The following TEC variants were observed in gnomAD, a reference collection of about 807,000 sequenced individuals.
TEC encodes tyrosine-protein kinase Tec.
TEC carries 72 observed loss-of-function variants against 93.0 expected under a neutral mutation model. That is an observed-to-expected ratio of 0.77 (90% CI 0.64 to 0.94). The LOEUF (loss-of-function observed/expected upper bound fraction) is 0.94, where lower values mean the gene tolerates loss of function less well. TEC is among the 40% of genes least tolerant of loss of function. The pLI is 0.00. For synonymous variants in TEC, 249 were observed against 247.7 expected, an observed-to-expected ratio of 1.01 and a Z score of -0.05; for missense variants, 630 against 757.9, an observed-to-expected ratio of 0.83 and a Z score of 1.98.
At chr4:48,196,766 G>A (rs1194134133) in intron 2 of TEC, among the ~76,000 whole-genome samples, 2 of 152,194 alleles carry the variant, frequency 1.3e-5, no homozygotes, top group African/African-American at 2.4e-5. Context: ...GAAACGACCA[G>A]TGTCTACCAA....
At chr4:48,178,827 TCTC>T (rs996770214) in intron 2 of TEC, among the ~76,000 whole-genome samples, 9 of 152,216 alleles carry the variant, frequency 5.9e-5, no homozygotes, top group African/African-American at 2.2e-4. Flanking sequence ...CTCTAACCCT[TCTC>T]CTCTGTTCCT....
intron 1 of TEC, among the ~76,000 whole-genome samples, chr4:48,243,827 A>T (rs1723982324): frequency 6.6e-6 from 1 of 152,046 alleles, no homozygotes; most frequent in Non-Finnish European, 1.5e-5. Flanking sequence ...GGGGTTGGGG[A>T]TCTGGTGGGG....
intron 2 of TEC, among the ~76,000 whole-genome samples, chr4:48,199,164 C>T (rs906797642): frequency 1.3e-5 from 2 of 152,170 alleles, no homozygotes; most frequent in African/African-American, 4.8e-5. Flanking sequence ...ATCTGCCTGG[C>T]TTCAAAGCCC....
chr4:48,142,872 C>T (rs1349418633), intron 14 of TEC, among the ~76,000 whole-genome samples: 1 of 151,594 alleles, frequency 6.6e-6, no homozygotes, highest in African/African-American at 2.4e-5. Context: ...TTAGTAGAGA[C>T]AGGGTTTCAC....
At chr4:48,163,477 T>C (rs945542920) in intron 8 of TEC, among the ~76,000 whole-genome samples, 4 of 152,214 alleles carry the variant, frequency 2.6e-5, no homozygotes, top group Non-Finnish European at 5.9e-5. Context: ...ATGTAATTTA[T>C]GTACATAAGC....
At chr4:48,185,919 A>G (rs1045096342) in intron 2 of TEC, among the ~76,000 whole-genome samples, 37 of 151,300 alleles carry the variant, frequency 2.4e-4, no homozygotes, top group African/African-American at 8.5e-4. Context: ...CCGAGGCTGG[A>G]CTGTACTGCC....
intron 2 of TEC, among the ~76,000 whole-genome samples, chr4:48,204,821 T>C (rs1301988380): frequency 3.3e-5 from 5 of 152,164 alleles, no homozygotes; most frequent in Non-Finnish European, 5.9e-5. Context: ...GCTTGCTTGC[T>C]CACTGGCTGC....
intron 2 of TEC, among the ~76,000 whole-genome samples, chr4:48,193,816 G>A (rs1240097386): frequency 2.6e-5 from 4 of 151,558 alleles, no homozygotes. Context: ...TATGAAAGTG[G>A]AAATAACTAG....
chr4:48,213,753 T>A (rs1444639539), intron 2 of TEC, among the ~76,000 whole-genome samples: 1 of 152,190 alleles, frequency 6.6e-6, no homozygotes, highest in Non-Finnish European at 1.5e-5. Context: ...GGGGAGAGAT[T>A]AATACTAATA....
chr4:48,172,457 T>C (rs62309327), intron 3 of TEC, among the ~76,000 whole-genome samples: 56,851 of 150,612 alleles, frequency 0.38, 11,726 homozygotes, highest in East Asian at 0.9. Context: ...TTCTTAGAGA[T>C]GGGGTCTTGC....
intron 2 of TEC, among the ~76,000 whole-genome samples, chr4:48,190,568 C>A (rs1722057856): frequency 6.6e-6 from 1 of 152,082 alleles, no homozygotes; most frequent in Non-Finnish European, 1.5e-5. Flanking sequence ...ATTTTGACGC[C>A]CTAGCAAGAC....
At chr4:48,249,533 C>T (rs1312884224) in intron 1 of TEC, among the ~76,000 whole-genome samples, 1 of 152,162 alleles carries the variant, frequency 6.6e-6, no homozygotes, top group Admixed American at 6.5e-5. Flanking sequence ...CTAGTATGTG[C>T]CTTCCTGATA....
chr4:48,174,573 C>T (rs1294610997), intron 3 of TEC, among the ~76,000 whole-genome samples: 1 of 151,674 alleles, frequency 6.6e-6, no homozygotes, highest in Admixed American at 6.6e-5. Flanking sequence ...GCATGAGAAT[C>T]GCTTGAACCT....
At chr4:48,182,810 A>G (rs1721645268) in intron 2 of TEC, among the ~76,000 whole-genome samples, 1 of 152,176 alleles carries the variant, frequency 6.6e-6, no homozygotes, top group African/African-American at 2.4e-5. Context: ...TAATAATACA[A>G]ATATCCATCC....
At chr4:48,267,015 A>G (rs958534955) in intron 1 of TEC, among the ~76,000 whole-genome samples, 2 of 152,216 alleles carry the variant, frequency 1.3e-5, no homozygotes, top group African/African-American at 4.8e-5. Flanking sequence ...GTGGGAAGTC[A>G]ACAGATAATG....
chr4:48,185,395 A>G (rs1721779715), intron 2 of TEC, among the ~76,000 whole-genome samples: 1 of 152,214 alleles, frequency 6.6e-6, no homozygotes, highest in South Asian at 2.1e-4. Context: ...TACTGGGAAT[A>G]ATTTTTTACA....
At chr4:48,180,243 T>C (rs1721530030) in intron 2 of TEC, among the ~76,000 whole-genome samples, 1 of 152,204 alleles carries the variant, frequency 6.6e-6, no homozygotes, top group Non-Finnish European at 1.5e-5. Flanking sequence ...CCAAATATCT[T>C]GTTATGAAAC....
intron 1 of TEC, among the ~76,000 whole-genome samples, chr4:48,259,156 T>C (rs1472973): frequency 0.55 from 83,485 of 152,072 alleles, 23,160 homozygotes; most frequent in East Asian, 0.68. Context: ...CCTTTACAAG[T>C]ATTAGGCCAT....
At chr4:48,155,895 T>G (rs909602521) in intron 9 of TEC, 7 of 152,186 alleles carry the variant, frequency 4.6e-5, no homozygotes, top group Non-Finnish European at 7.4e-5. Context: ...TGTGTTTTTG[T>G]GTGTTTTGAA....
Sources: gnomAD v4.1 joint callset for allele counts (sites outside exome capture counted in the v4.1 genomes callset) on GRCh38, gnomAD v4.1.1 for gene constraint, MANE v1.5 for transcripts, NCBI Gene and HGNC (gene_info 2026-07-23, HGNC 2026-07-21) for gene names.